RAD52: variants seen among roughly 807,000 people sequenced by gnomAD.
RAD52 encodes the protein DNA repair protein RAD52 homolog.
Under a neutral mutation model 55.5 loss-of-function variants are expected in RAD52, and 47 were observed. That is an observed-to-expected ratio of 0.85 (90% CI 0.67 to 1.08). The LOEUF is 1.08. RAD52 is among the 50% of genes least tolerant of loss of function. RAD52 has a pLI of 0.00. For synonymous variants in RAD52, 184 were observed against 198.9 expected, an observed-to-expected ratio of 0.92 and a Z score of 0.63; for missense variants, 468 against 522.8, an observed-to-expected ratio of 0.90 and a Z score of 1.02.
intron 5 of RAD52, 52 bp downstream of exon 5, chr12:929,767 C>T (rs1482894806): frequency 6.5e-7 from 1 of 1,546,678 alleles, no homozygotes; most frequent in Non-Finnish European, 8.9e-7. Flanking sequence ...TGCTCACCTT[C>T]TCCTACCACC....
At chr12:971,579 T>A (rs577354330) in intron 1 of RAD52, among the ~76,000 whole-genome samples, 1 of 152,324 alleles carries the variant, frequency 6.6e-6, no homozygotes, top group South Asian at 2.1e-4. Context: ...TTTAAAAAAT[T>A]AATTATTTAT....
intron 1 of RAD52, among the ~76,000 whole-genome samples, chr12:982,076 T>G (rs1286691242): frequency 6.6e-6 from 1 of 152,224 alleles, no homozygotes. Flanking sequence ...GGCAGCCTTG[T>G]TGCTAACTGA....
chr12:973,926 C>T (rs77311252), intron 1 of RAD52, among the ~76,000 whole-genome samples: 4,781 of 151,886 alleles, frequency 0.031, 238 homozygotes, highest in African/African-American at 0.11. Flanking sequence ...CCGGGGACCA[C>T]AGGCACGTAC....
chr12:943,970 C>G (rs1958056267), intron 1 of RAD52, among the ~76,000 whole-genome samples: 2 of 152,030 alleles, frequency 1.3e-5, no homozygotes, highest in East Asian at 3.9e-4. Context: ...AATCCCAGCA[C>G]TTTGGGAGGC....
intron 1 of RAD52, chr12:974,169 A>G (rs1049291529): frequency 5.3e-5 from 8 of 152,166 alleles, no homozygotes; most frequent in Non-Finnish European, 1.0e-4. Context: ...TTTTGAACAC[A>G]TAAGACTTCC....
chr12:969,867 G>T (rs974030016), intron 1 of RAD52, among the ~76,000 whole-genome samples: 1 of 151,762 alleles, frequency 6.6e-6, no homozygotes, highest in Non-Finnish European at 1.5e-5. Context: ...GTAAAATGAA[G>T]AAACTATGTA....
At chr12:955,909 T>C (rs11064615) in intron 1 of RAD52, among the ~76,000 whole-genome samples, 14,436 of 151,672 alleles carry the variant, frequency 0.095, 763 homozygotes, top group East Asian at 0.18. Context: ...GCCTCCCTAG[T>C]AGCTGGGATT....
intron 1 of RAD52, among the ~76,000 whole-genome samples, chr12:933,946 A>AGGCGTGG (rs1409853483): frequency 1.3e-5 from 2 of 151,896 alleles, no homozygotes; most frequent in African/African-American, 4.8e-5. Flanking sequence ...ACAAAACCCC[A>AGGCGTGG]TCACTACAAA....
chr12:968,389 G>C (rs1958798469), intron 1 of RAD52, among the ~76,000 whole-genome samples: 1 of 151,992 alleles, frequency 6.6e-6, no homozygotes, highest in South Asian at 2.1e-4. Context: ...AGATAAGGCA[G>C]AATGGGGTTA....
rs1956117029 is a variant in RAD52 at position 912,004 on chromosome 12, A to G, written c.*1387T>C. 1 of 172,128 alleles carries G rather than the reference A, an allele frequency of 5.8e-6. No individual in the cohort carries two copies. Among genetic ancestry groups the G allele is most frequent in the Non-Finnish European group, 1.1e-5 (1 of 87,110 alleles). 10.7% of individuals were successfully genotyped at this position (172,128 alleles called of 1,614,324 possible). On this transcript the variant is annotated 3_prime_UTR_variant, in exon 12 of 12. Coordinates refer to ENST00000358495, the MANE Select transcript of RAD52 (RefSeq NM_134424.4). ...GCACCGCTGCACTCCAGCCTGCGCT[A>G]CAGAGCCAGACCCCCCCTCTCAAAA... is the stretch of plus-strand genomic sequence containing the variant.
chr12:940,056 C>T (rs1410004542), intron 1 of RAD52, among the ~76,000 whole-genome samples: 1 of 149,300 alleles, frequency 6.7e-6, no homozygotes, highest in Non-Finnish European at 1.5e-5. Flanking sequence ...GCCTGGGTGA[C>T]AGAATGAGAC....
At position 973,779 on chromosome 12, in the gene RAD52, C is replaced by CTTTTTTTTTTTT. The variant is rs1401411600; in HGVS notation, c.-19+16029_-19+16030insAAAAAAAAAAAA. On this transcript the variant is annotated intron_variant, in intron 1 of 11. Coordinates refer to the RAD52 transcript ENST00000430095. ...CAGGCATGAGCCACCACGCCCAGTC[C>CTTTTTTTTTTTT]TTCTTTTTTTTTTTTTTTTTTTTTT... is the stretch of plus-strand genomic sequence containing the variant. Among the ~76,000 whole-genome samples the CTTTTTTTTTTTT allele has an allele frequency of 4.3e-4, 59 of 136,854 alleles. 1 individual carries two copies. The highest frequency in any genetic ancestry group is 4.3e-3 in the Middle Eastern group (1 of 232). 89.8% of individuals were successfully genotyped at this position (136,854 alleles called of 152,430 possible). A position where few individuals can be genotyped will look rare whatever the true frequency, so the allele number is the denominator to read the frequency against.
At chr12:981,771 TAAATAAAATA>T (rs59388253) in intron 1 of RAD52, among the ~76,000 whole-genome samples, 13 of 139,618 alleles carry the variant, frequency 9.3e-5, no homozygotes, top group African/African-American at 1.6e-4. Context: ...AATAAATAAA[TAAATAAAATA>T]AAATAAAATA....
intron 1 of RAD52, among the ~76,000 whole-genome samples, chr12:984,495 T>C (rs1380048346): frequency 1.3e-5 from 2 of 152,022 alleles, no homozygotes; most frequent in African/African-American, 4.8e-5. Context: ...CCACCGTGCC[T>C]GGCCCTGTCT....
intron 1 of RAD52, among the ~76,000 whole-genome samples, chr12:934,729 T>C (rs561831363): frequency 5.3e-5 from 8 of 152,204 alleles, no homozygotes; most frequent in African/African-American, 1.9e-4. Flanking sequence ...ATCATCACAT[T>C]GTACACCCTA....
upstream of RAD52, among the ~76,000 whole-genome samples, chr12:952,658 G>A (rs1296262648): frequency 6.6e-6 from 1 of 151,236 alleles, no homozygotes; most frequent in Non-Finnish European, 1.5e-5. Context: ...AGGTCAAGAC[G>A]AGAGGATCGC....
chr12:945,442 CTT>C (rs796786546), intron 1 of RAD52, among the ~76,000 whole-genome samples: 2 of 146,326 alleles, frequency 1.4e-5, no homozygotes. Context: ...TGAAGTATGT[CTT>C]TTTTTTTTTG....
At chr12:962,343 CT>C (rs72427284) in intron 1 of RAD52, among the ~76,000 whole-genome samples, 47 of 16,966 alleles carry the variant, frequency 2.8e-3, no homozygotes, top group African/African-American at 4.2e-3. Context: ...GCTTTCTTTC[CT>C]TTTTTTTTTT....
chr12:916,888 A>T lies in RAD52; in HGVS notation c.544-68T>A, dbSNP rs531445850. 8.4e-6 allele frequency: 13 copies of T among 1,543,014 alleles called. No individual in the cohort carries two copies. In the African/African-American group the frequency reaches 1.8e-4, roughly 21 times the overall value. On this transcript the variant is annotated intron_variant, in intron 7 of 11. Transcript: ENST00000358495. ...GCCCTCCGCTGCTTCTCCCTGACTCACAGATTGCGATTCCTGGAAAATCGC... is the reference window on the plus strand; with the variant it reads ...GCCCTCCGCTGCTTCTCCCTGACTCTCAGATTGCGATTCCTGGAAAATCGC...
Sources: allele counts gnomAD v4.1 joint callset (sites outside exome capture counted in the v4.1 genomes callset), GRCh38; gene constraint gnomAD v4.1.1; transcripts MANE v1.5; gene names NCBI Gene and HGNC (gene_info 2026-07-23, HGNC 2026-07-21).